The following DCC variants were observed in gnomAD, a reference collection of about 807,000 sequenced individuals.
DCC encodes netrin receptor DCC.
In DCC, 58 loss-of-function variants were observed where a neutral mutation model predicts 172.5. The ratio of observed to expected loss-of-function variants is 0.34; its 90% confidence interval spans 0.27 to 0.42. The LOEUF is 0.42. Among genes scored for constraint, DCC ranks in the 10% least tolerant of loss-of-function variants. DCC has a pLI of 1.00. For synonymous variants in DCC, 709 were observed against 644.5 expected, an observed-to-expected ratio of 1.10 and a Z score of -1.52; for missense variants, 1,740 against 1,791.0, an observed-to-expected ratio of 0.97 and a Z score of 0.51.
At chr18:53,457,399 T>C (rs1218744396) in intron 23 of DCC, among the ~76,000 whole-genome samples, 2 of 152,244 alleles carry the variant, frequency 1.3e-5, no homozygotes. Flanking sequence ...TTATCTTGAC[T>C]ACTTTCTTTA....
At chr18:53,362,154 A>T (rs565783794) in intron 15 of DCC, among the ~76,000 whole-genome samples, 2 of 152,286 alleles carry the variant, frequency 1.3e-5, no homozygotes, top group South Asian at 4.1e-4. Flanking sequence ...TTGCCATACC[A>T]TCTTTTATTA....
At chr18:52,593,394 T>A (rs1470787139) in intron 1 of DCC, among the ~76,000 whole-genome samples, 1 of 152,208 alleles carries the variant, frequency 6.6e-6, no homozygotes, top group Admixed American at 6.5e-5. Flanking sequence ...ATCATTCATG[T>A]CAAGACTTTG....
At chr18:52,427,773 A>G (rs1987477733) in intron 1 of DCC, among the ~76,000 whole-genome samples, 1 of 151,204 alleles carries the variant, frequency 6.6e-6, no homozygotes, top group African/African-American at 2.5e-5. Flanking sequence ...TCTTCCTCAT[A>G]GAAATCAGAG....
At chr18:53,376,539 G>C (rs1907301239) in intron 15 of DCC, among the ~76,000 whole-genome samples, 1 of 152,172 alleles carries the variant, frequency 6.6e-6, no homozygotes, top group South Asian at 2.1e-4. Context: ...CTTATCTCCA[G>C]TCTGAGTCTA....
chr18:53,520,553 C>T (rs2046388465), intron 27 of DCC, among the ~76,000 whole-genome samples: 1 of 151,948 alleles, frequency 6.6e-6, no homozygotes, highest in Non-Finnish European at 1.5e-5. Context: ...AGAAAGAAGC[C>T]ATTTATGCTT....
chr18:52,539,202 C>G (rs1598897640), intron 1 of DCC, among the ~76,000 whole-genome samples: 1 of 151,922 alleles, frequency 6.6e-6, no homozygotes, highest in African/African-American at 2.4e-5. Flanking sequence ...AACTTGGAAC[C>G]ATAGAGAGAT....
chr18:52,747,449 T>C (rs987921601), intron 1 of DCC, among the ~76,000 whole-genome samples: 1 of 152,244 alleles, frequency 6.6e-6, no homozygotes, highest in Non-Finnish European at 1.5e-5. Flanking sequence ...TGAAATTCTC[T>C]GCAGCATTGT....
intron 7 of DCC, among the ~76,000 whole-genome samples, chr18:53,083,287 G>A (rs1278730165): frequency 6.6e-6 from 1 of 152,050 alleles, no homozygotes; most frequent in Non-Finnish European, 1.5e-5. Flanking sequence ...AGAAATGTGA[G>A]GTATCCAGGT....
chr18:53,202,855 A>G (rs972687000), intron 9 of DCC, among the ~76,000 whole-genome samples: 9 of 152,156 alleles, frequency 5.9e-5, no homozygotes, highest in African/African-American at 1.7e-4. Context: ...AATGATGAAC[A>G]TTTTATTTAT....
intron 22 of DCC, among the ~76,000 whole-genome samples, chr18:53,443,495 T>A (rs1215233604): frequency 6.6e-6 from 1 of 152,232 alleles, no homozygotes; most frequent in Non-Finnish European, 1.5e-5. Flanking sequence ...CCAAGAGCTC[T>A]GATGGAAATG....
In DCC at chr18:52,969,898, G is replaced by A. The variant is rs1249998026; in HGVS notation, c.985+44528G>A. ...GGTATTCAATAAGTATTTGTTGTAC[G>A]AATGAGAGAATGATAGAGATCATTT... On this transcript the variant is annotated intron_variant, in intron 5 of 28. Transcript: ENST00000442544. Among the ~76,000 whole-genome samples, 4 of 152,040 alleles carry A rather than the reference G, an allele frequency of 2.6e-5. 1 individual carries two copies. The highest frequency in any genetic ancestry group is 5.9e-5 in the Non-Finnish European group (4 of 68,016).
chr18:52,520,200 C>T (rs537198094), intron 1 of DCC, among the ~76,000 whole-genome samples: 4 of 152,302 alleles, frequency 2.6e-5, no homozygotes, highest in South Asian at 2.1e-4. Context: ...GTGACAACTC[C>T]GTCGTCCTCC....
chr18:52,811,551 G>A (rs1435297115), intron 2 of DCC, among the ~76,000 whole-genome samples: 1 of 151,880 alleles, frequency 6.6e-6, no homozygotes, highest in Non-Finnish European at 1.5e-5. Flanking sequence ...AATTTGGATT[G>A]AGTAAAATTT....
chr18:52,522,851 G>A lies in DCC; in HGVS notation c.91+181973G>A, dbSNP rs145681398. Among the ~76,000 whole-genome samples, 85 of 152,270 alleles carry A rather than the reference G, an allele frequency of 5.6e-4. No individual in the cohort carries two copies. In the East Asian group the frequency reaches 0.016, roughly 29 times the overall value. ...GAGAGAATTGATACTTTCTTCTCAAGTTTGAATGGTCAAGAAGAGGTTGGG... is the reference window on the plus strand; with the variant it reads ...GAGAGAATTGATACTTTCTTCTCAAATTTGAATGGTCAAGAAGAGGTTGGG... On this transcript the variant is annotated intron_variant, in intron 1 of 28. Coordinates refer to ENST00000442544, the MANE Select transcript of DCC (RefSeq NM_005215.4).
At chr18:52,843,628 C>T (rs1376864569) in intron 2 of DCC, among the ~76,000 whole-genome samples, 1 of 152,086 alleles carries the variant, frequency 6.6e-6, no homozygotes, top group Non-Finnish European at 1.5e-5. Flanking sequence ...TTGTATTTTT[C>T]CTTTACAAGT....
chr18:53,261,292 G>T (rs528681104), intron 12 of DCC, among the ~76,000 whole-genome samples: 29 of 152,262 alleles, frequency 1.9e-4, no homozygotes, highest in African/African-American at 6.5e-4. Flanking sequence ...CTCCTGCATT[G>T]CTCACACTGG....
Position 52,340,760 on chromosome 18 carries a change from CCCTGG to C in DCC, c.-25_-21del. Reference sequence around the variant, plus strand: ...TGTGAGTGCTGCCGCTGCCCGCGACCCCTGGCCCCGAAGGTGTTGGCTGAAATATG... The same window carrying C: ...TGTGAGTGCTGCCGCTGCCCGCGACCCCCCGAAGGTGTTGGCTGAAATATG... On this transcript the variant is annotated 5_prime_UTR_variant, in exon 1 of 29. Transcript: ENST00000442544. 1 of 1,583,796 alleles carries C rather than the reference CCCTGG, an allele frequency of 6.3e-7. No homozygotes were observed. The highest frequency in any genetic ancestry group is 8.7e-7 in the Non-Finnish European group (1 of 1,152,728).
intron 5 of DCC, among the ~76,000 whole-genome samples, chr18:52,937,203 A>G (rs1490116895): frequency 1.3e-5 from 2 of 152,148 alleles, no homozygotes; most frequent in Admixed American, 6.5e-5. Context: ...AGGCAGGTAG[A>G]ATGCAAAGAG....
intron 2 of DCC, among the ~76,000 whole-genome samples, chr18:52,825,623 T>G (rs2038496438): frequency 6.6e-6 from 1 of 152,216 alleles, no homozygotes; most frequent in East Asian, 1.9e-4. Context: ...TTGAAATTTC[T>G]GAGAAAGTTT....
Sources: gnomAD v4.1 joint callset for allele counts (sites outside exome capture counted in the v4.1 genomes callset) on GRCh38, gnomAD v4.1.1 for gene constraint, MANE v1.5 for transcripts, NCBI Gene and HGNC (gene_info 2026-07-23, HGNC 2026-07-21) for gene names.